Variants in GALNTL6 observed in about 807,000 individuals in gnomAD.
GALNTL6 encodes polypeptide N-acetylgalactosaminyltransferase like 6.
In GALNTL6, 46 loss-of-function variants were observed where a neutral mutation model predicts 73.7. The ratio of observed to expected loss-of-function variants is 0.62; its 90% CI spans 0.49 to 0.80. The LOEUF (loss-of-function observed/expected upper bound fraction) is 0.80. GALNTL6 is among the 30% of genes least tolerant of loss of function. The pLI is 0.00. For missense variants in GALNTL6, 604 were observed against 755.0 expected, an observed-to-expected ratio of 0.80 and a Z score of 2.34; for synonymous variants, 259 against 263.7, an observed-to-expected ratio of 0.98 and a Z score of 0.17.
chr4:172,789,179 C>T (rs763674239), intron 5 of GALNTL6, among the ~76,000 whole-genome samples: 7 of 152,168 alleles, frequency 4.6e-5, no homozygotes, highest in Non-Finnish European at 8.8e-5. Flanking sequence ...TTCCAGACAG[C>T]CACAGGTCTA....
intron 5 of GALNTL6, among the ~76,000 whole-genome samples, chr4:172,582,040 G>A (rs1737210617): frequency 6.6e-6 from 1 of 152,168 alleles, no homozygotes; most frequent in Non-Finnish European, 1.5e-5. Context: ...GGAGTCTGAT[G>A]GTTTGGTAAC....
chr4:172,109,369 T>C (rs1732787432), intron 2 of GALNTL6, among the ~76,000 whole-genome samples: 1 of 152,206 alleles, frequency 6.6e-6, no homozygotes, highest in South Asian at 2.1e-4. Context: ...GGAATGGTCC[T>C]AGAATTGGTT....
intron 7 of GALNTL6, among the ~76,000 whole-genome samples, chr4:172,820,206 A>G (rs10007423): frequency 0.25 from 38,244 of 152,090 alleles, 5,753 homozygotes; most frequent in African/African-American, 0.43. Flanking sequence ...CTTGGTGGGC[A>G]TAGAAGCTTC....
intron 2 of GALNTL6, among the ~76,000 whole-genome samples, chr4:171,900,625 G>T (rs917530848): frequency 6.6e-6 from 1 of 151,808 alleles, no homozygotes; most frequent in Admixed American, 6.6e-5. Context: ...TAAAACATTA[G>T]AAAACACATG....
At chr4:172,151,793 T>C (rs910485460) in intron 2 of GALNTL6, among the ~76,000 whole-genome samples, 1 of 151,976 alleles carries the variant, frequency 6.6e-6, no homozygotes, top group Admixed American at 6.6e-5. Flanking sequence ...CTGCTGCTGT[T>C]CTCCCTACAC....
chr4:172,631,715 A>T (rs1443244370), intron 5 of GALNTL6, among the ~76,000 whole-genome samples: 2 of 152,212 alleles, frequency 1.3e-5, no homozygotes, highest in African/African-American at 4.8e-5. Flanking sequence ...TGCTTTCAAG[A>T]TTCCCTCCAG....
intron 5 of GALNTL6, among the ~76,000 whole-genome samples, chr4:172,600,626 T>TA (rs1738020904): frequency 6.6e-6 from 1 of 152,176 alleles, no homozygotes; most frequent in African/African-American, 2.4e-5. Flanking sequence ...GAGATACTAC[T>TA]GGAGGATAGT....
intron 2 of GALNTL6, among the ~76,000 whole-genome samples, chr4:171,827,896 T>C (rs535606714): frequency 6.6e-6 from 1 of 152,034 alleles, no homozygotes; most frequent in Non-Finnish European, 1.5e-5. Context: ...TTTTTGGAGA[T>C]TTTCAGAAAA....
At chr4:171,969,517 G>A (rs1011656770) in intron 2 of GALNTL6, among the ~76,000 whole-genome samples, 4 of 152,214 alleles carry the variant, frequency 2.6e-5, no homozygotes, top group African/African-American at 7.2e-5. Flanking sequence ...TTATTTACAC[G>A]TGATTATTTA....
chr4:172,443,914 T>C (rs1290774723), intron 5 of GALNTL6, among the ~76,000 whole-genome samples: 2 of 152,160 alleles, frequency 1.3e-5, no homozygotes, highest in Non-Finnish European at 2.9e-5. Flanking sequence ...TAGAGAACCT[T>C]TAGGATGCTT....
intron 5 of GALNTL6, among the ~76,000 whole-genome samples, chr4:172,550,254 G>A (rs983030226): frequency 2.0e-5 from 3 of 152,188 alleles, no homozygotes; most frequent in South Asian, 2.1e-4. Flanking sequence ...CATCCAAAAC[G>A]AATATTCATT....
chr4:171,926,208 A>G (rs1209901426), intron 2 of GALNTL6, among the ~76,000 whole-genome samples: 1 of 152,152 alleles, frequency 6.6e-6, no homozygotes, highest in African/African-American at 2.4e-5. Flanking sequence ...ACTTTTATCA[A>G]ACATACTTAT....
intron 2 of GALNTL6, among the ~76,000 whole-genome samples, chr4:172,165,172 A>C (rs531140705): frequency 6.6e-6 from 1 of 152,216 alleles, no homozygotes; most frequent in South Asian, 2.1e-4. Context: ...TTTTATGCTT[A>C]ATTTGTACTG....
chr4:172,356,563 A>G (rs1282120441), intron 5 of GALNTL6, among the ~76,000 whole-genome samples: 1 of 152,230 alleles, frequency 6.6e-6, no homozygotes, highest in South Asian at 2.1e-4. Context: ...ATTTTTCTTA[A>G]GCTGACAAGT....
chr4:172,250,084 G>A (rs1203653178), intron 3 of GALNTL6, among the ~76,000 whole-genome samples: 3 of 152,086 alleles, frequency 2.0e-5, no homozygotes, highest in Admixed American at 6.5e-5. Context: ...CTGAGGAGGG[G>A]AGCTGTACCC....
At chr4:172,988,169 A>C (rs1751379511) in intron 10 of GALNTL6, among the ~76,000 whole-genome samples, 1 of 152,194 alleles carries the variant, frequency 6.6e-6, no homozygotes, top group African/African-American at 2.4e-5. Flanking sequence ...TTGCAACCAA[A>C]ATGCCAATAG....
At chr4:172,240,489 C>T (rs1288256438) in intron 3 of GALNTL6, among the ~76,000 whole-genome samples, 2 of 152,072 alleles carry the variant, frequency 1.3e-5, no homozygotes, top group African/African-American at 2.4e-5. Context: ...CCTCAACATC[C>T]CAAAGTGCTG....
chr4:172,299,782 T>G (rs1739840438), intron 3 of GALNTL6, among the ~76,000 whole-genome samples: 1 of 152,238 alleles, frequency 6.6e-6, no homozygotes, highest in South Asian at 2.1e-4. Flanking sequence ...AGTGCTTTAC[T>G]TCCAACTATG....
At chr4:172,353,456 C>G (rs989359334) in intron 5 of GALNTL6, among the ~76,000 whole-genome samples, 1 of 152,062 alleles carries the variant, frequency 6.6e-6, no homozygotes, top group Admixed American at 6.6e-5. Flanking sequence ...TAAAGGACAT[C>G]GACAATATTT....
Sources: gnomAD v4.1 joint callset for allele counts (sites outside exome capture counted in the v4.1 genomes callset) on GRCh38, gnomAD v4.1.1 for gene constraint, MANE v1.5 for transcripts, NCBI Gene and HGNC (gene_info 2026-07-23, HGNC 2026-07-21) for gene names.